ANKFN1: variants seen among roughly 807,000 people sequenced by gnomAD.
ANKFN1 encodes ankyrin repeat and fibronectin type III domain containing 1.
In ANKFN1, 74 loss-of-function variants were observed where a neutral mutation model predicts 108.7. The observed-to-expected ratio is 0.68, with a 90% CI of 0.56 to 0.83. The LOEUF (loss-of-function observed/expected upper bound fraction) is 0.83. ANKFN1 is among the 40% of genes least tolerant of loss of function. The probability of loss-of-function intolerance (pLI) is 0.00; values close to 1 mark genes in which losing one functional copy is unlikely to be tolerated. For missense variants in ANKFN1, 1,505 were observed against 1,382.3 expected (o/e 1.09, Z -1.41); for synonymous variants, 547 against 516.2 (o/e 1.06, Z -0.81).
chr17:56,472,769 G>A (rs1459205663), intron 15 of ANKFN1: 1 of 152,202 alleles, frequency 6.6e-6, no homozygotes, highest in Non-Finnish European at 1.5e-5. Context: ...AGACAAAGCA[G>A]CTATTAATTC....
At chr17:56,142,474 G>A (rs1300174417) in intron 4 of ANKFN1, among the ~76,000 whole-genome samples, 1 of 152,134 alleles carries the variant, frequency 6.6e-6, no homozygotes, top group African/African-American at 2.4e-5. Context: ...CTAGTGATGG[G>A]CTCAATGGAC....
At chr17:56,066,034 A>G (rs1905054258) in intron 4 of ANKFN1, among the ~76,000 whole-genome samples, 1 of 152,244 alleles carries the variant, frequency 6.6e-6, no homozygotes, top group African/African-American at 2.4e-5. Context: ...ACATACCAAC[A>G]GGTTAGAGCT....
At chr17:56,472,895 A>C (rs1401761265) in intron 15 of ANKFN1, 1 of 152,232 alleles carries the variant, frequency 6.6e-6, no homozygotes, top group African/African-American at 2.4e-5. Context: ...AAAATAAAGG[A>C]GAGAAGAAAG....
rs139876714 is a variant in ANKFN1, at chr17:56,343,912, A to T, written c.189-6854A>T. ...TTTTAGAATTTCTATTTAGTTCTTG[A>T]TTTTCTTCATAATTTCTATCTCTTT... is the stretch of plus-strand genomic sequence containing the variant. On this transcript the variant is annotated intron_variant, in intron 4 of 20. Coordinates refer to ENST00000682825, the MANE Select transcript of ANKFN1 (RefSeq NM_001370326.1). Among the ~76,000 whole-genome samples, 10 of 151,622 alleles carry T rather than the reference A, an allele frequency of 6.6e-5. No homozygotes were observed. The East Asian group carries it at 1.8e-3, about 27-fold the overall frequency.
At chr17:56,447,783 TATC>T (rs1002281616) in intron 10 of ANKFN1, among the ~76,000 whole-genome samples, 1 of 152,176 alleles carries the variant, frequency 6.6e-6, no homozygotes, top group Admixed American at 6.5e-5. Flanking sequence ...TGCTCGCAAA[TATC>T]CTGCAAAGTA....
intron 3 of ANKFN1, among the ~76,000 whole-genome samples, chr17:56,277,478 C>T (rs568357583): frequency 6.6e-6 from 1 of 152,060 alleles, no homozygotes; most frequent in East Asian, 1.9e-4. Context: ...GTATTGAGTA[C>T]CTACAATGTG....
intron 8 of ANKFN1, among the ~76,000 whole-genome samples, chr17:56,419,932 C>G (rs1370633628): frequency 6.6e-6 from 1 of 152,144 alleles, no homozygotes; most frequent in African/African-American, 2.4e-5. Context: ...TACATGGGTC[C>G]ATAGTCCTAA....
At chr17:56,334,671 G>C (rs1567922126) in intron 4 of ANKFN1, among the ~76,000 whole-genome samples, 1 of 151,986 alleles carries the variant, frequency 6.6e-6, no homozygotes, top group African/African-American at 2.4e-5. Context: ...TTGAGGTTCA[G>C]GGAAGCTAAA....
At chr17:56,333,617 T>A (rs1450900468) in intron 4 of ANKFN1, among the ~76,000 whole-genome samples, 1 of 150,678 alleles carries the variant, frequency 6.6e-6, no homozygotes, top group Non-Finnish European at 1.5e-5. Context: ...ATGTTCATGA[T>A]AGACATTGGT....
chr17:56,231,142 A>G (rs1916704447), intron 3 of ANKFN1, among the ~76,000 whole-genome samples: 1 of 152,032 alleles, frequency 6.6e-6, no homozygotes, highest in Non-Finnish European at 1.5e-5. Flanking sequence ...TTACAATGTC[A>G]ATCTTTTTTC....
intron 3 of ANKFN1, among the ~76,000 whole-genome samples, chr17:56,274,878 C>T (rs2043884249): frequency 6.6e-6 from 1 of 152,188 alleles, no homozygotes; most frequent in African/African-American, 2.4e-5. Context: ...TGGAGGCAGG[C>T]AGGTTGAGTT....
At chr17:56,480,993 C>T (rs1374479533) in intron 17 of ANKFN1, among the ~76,000 whole-genome samples, 175 bp downstream of exon 17, 1 of 150,354 alleles carries the variant, frequency 6.7e-6, no homozygotes, top group Non-Finnish European at 1.5e-5. Context: ...CAGGTAGACA[C>T]AGCCTGCGCT....
intron 14 of ANKFN1, among the ~76,000 whole-genome samples, chr17:56,465,949 C>A (rs2145281696): frequency 6.6e-6 from 1 of 152,282 alleles, no homozygotes. Flanking sequence ...TACTGCAGAT[C>A]TCCTGAGAAC....
At chr17:56,480,331 T>G (rs749290785) in intron 16 of ANKFN1, among the ~76,000 whole-genome samples, 2 of 152,162 alleles carry the variant, frequency 1.3e-5, no homozygotes, top group African/African-American at 4.8e-5. Context: ...AAACGTAGGA[T>G]CTTAGAATTT....
intron 8 of ANKFN1, among the ~76,000 whole-genome samples, chr17:56,410,484 A>G (rs1007359996): frequency 9.2e-5 from 14 of 152,224 alleles, no homozygotes; most frequent in South Asian, 2.1e-4. Context: ...GAAAAATTCA[A>G]TAAAGCTAAT....
intron 1 of ANKFN1, among the ~76,000 whole-genome samples, chr17:56,176,601 C>T (rs1036944187): frequency 3.3e-5 from 5 of 152,138 alleles, no homozygotes; most frequent in Admixed American, 1.3e-4. Context: ...TTTCGAATAT[C>T]GTTGGCCCTC....
chr17:56,354,125 T>C, intron 6 of ANKFN1, 79 bp downstream of exon 6: 1 of 1,390,074 alleles, frequency 7.2e-7, no homozygotes, highest in Non-Finnish European at 9.9e-7. Flanking sequence ...CATTGCTGAC[T>C]TTCAGAGCAG....
chr17:56,202,048 A>T (rs768318753), intron 1 of ANKFN1, among the ~76,000 whole-genome samples: 9 of 152,202 alleles, frequency 5.9e-5, no homozygotes, highest in Non-Finnish European at 1.2e-4. Flanking sequence ...GAAATGTCCT[A>T]TCTTCCCCAT....
chr17:56,069,344 C>T (rs1296579835), intron 4 of ANKFN1, among the ~76,000 whole-genome samples: 1 of 152,100 alleles, frequency 6.6e-6, no homozygotes, highest in African/African-American at 2.4e-5. Context: ...GCGCGAAATG[C>T]CAGTTAAAAC....
Sources: gnomAD v4.1 joint callset for allele counts (sites outside exome capture counted in the v4.1 genomes callset) on GRCh38, gnomAD v4.1.1 for gene constraint, MANE v1.5 for transcripts, NCBI Gene and HGNC (gene_info 2026-07-23, HGNC 2026-07-21) for gene names.